Variants in CACNA1C observed in about 807,000 individuals in gnomAD.
CACNA1C encodes the protein voltage-dependent L-type calcium channel subunit alpha-1C.
Under a neutral mutation model 229.0 loss-of-function variants are expected in CACNA1C, and 30 were observed. The ratio of observed to expected loss-of-function variants is 0.13; its 90% CI spans 0.10 to 0.18. The LOEUF is 0.18. Among genes scored for constraint, CACNA1C ranks in the 10% least tolerant of loss-of-function variants. The probability of loss-of-function intolerance (pLI) is 1.00; values close to 1 mark genes in which losing one functional copy is unlikely to be tolerated. For missense variants in CACNA1C, 1,658 were observed against 2,845.0 expected (o/e 0.58, Z 9.49); for synonymous variants, 1,114 against 1,132.5 (o/e 0.98, Z 0.33).
chr12:2,164,977 G>A (rs998241625), intron 3 of CACNA1C, among the ~76,000 whole-genome samples: 1 of 152,192 alleles, frequency 6.6e-6, no homozygotes, highest in Non-Finnish European at 1.5e-5. Flanking sequence ...ACTATTGGTT[G>A]CATTTTAAGA....
chr12:2,558,101 A>C (rs967608834), intron 11 of CACNA1C, among the ~76,000 whole-genome samples: 1 of 152,226 alleles, frequency 6.6e-6, no homozygotes, highest in Non-Finnish European at 1.5e-5. Flanking sequence ...TATTTTAAAC[A>C]GTCCCTTAAG....
chr12:2,582,910 T>C lies in CACNA1C; in HGVS notation c.2192T>C (p.Ile731Thr). 1 of 1,595,892 alleles carries C rather than the reference T, an allele frequency of 6.3e-7. No homozygotes were observed. The highest frequency in any genetic ancestry group is 8.5e-7 in the Non-Finnish European group (1 of 1,170,272). Residue 731 changes from isoleucine to threonine, a missense_variant, in exon 15 of 47, where the codon ATT (isoleucine) becomes ACT (threonine). By Grantham distance (89) the Ile-to-Thr change is moderately conservative. Around this residue, in one of 20 missense-constraint regions of CACNA1C, gnomAD observed 30 missense variants for 73.2 expected, o/e 0.41. Transcript: ENST00000399655. Reference sequence around the variant, plus strand: ...TCTTTTCCAGGGATGTTAGTCTGTATTTACTTCATCATCCTCTTCATCTGT... The same window carrying C: ...TCTTTTCCAGGGATGTTAGTCTGTACTTACTTCATCATCCTCTTCATCTGT... ...GPSFPGMLVC[I>T]YFIILFICGN...
intron 9 of CACNA1C, among the ~76,000 whole-genome samples, chr12:2,540,143 T>C (rs952677497): frequency 1.3e-5 from 2 of 152,142 alleles, no homozygotes; most frequent in Non-Finnish European, 1.5e-5. Flanking sequence ...CTGCTAGTGC[T>C]GCCCATGGGC....
intron 3 of CACNA1C, among the ~76,000 whole-genome samples, chr12:2,312,156 C>T (rs779315278): frequency 4.6e-5 from 7 of 152,138 alleles, no homozygotes; most frequent in African/African-American, 1.4e-4. Flanking sequence ...CCTTCACACC[C>T]GCTCCGAGTT....
At chr12:2,201,221 TAAAG>T (rs569286887) in intron 3 of CACNA1C, among the ~76,000 whole-genome samples, 149 of 152,108 alleles carry the variant, frequency 9.8e-4, no homozygotes, top group Non-Finnish European at 1.7e-3. Context: ...TTCCAAAAAA[TAAAG>T]AAGGGCACAG....
intron 9 of CACNA1C, among the ~76,000 whole-genome samples, chr12:2,538,637 G>A (rs2099861520): frequency 6.6e-6 from 1 of 152,188 alleles, no homozygotes; most frequent in African/African-American, 2.4e-5. Context: ...CAAGGCCAAG[G>A]CGAGGACTGT....
chr12:2,330,439 C>G (rs1168804173), intron 3 of CACNA1C, among the ~76,000 whole-genome samples: 1 of 152,210 alleles, frequency 6.6e-6, no homozygotes, highest in African/African-American at 2.4e-5. Context: ...GTGCTAAGCA[C>G]TATTTTAAGC....
chr12:2,664,310 T>C (rs2095950179), intron 34 of CACNA1C, among the ~76,000 whole-genome samples: 1 of 152,258 alleles, frequency 6.6e-6, no homozygotes, highest in Non-Finnish European at 1.5e-5. Flanking sequence ...GGACAAATCC[T>C]TGGAGGTCAT....
In CACNA1C at chr12:2,507,151, G is replaced by A. The variant is rs961470590; in HGVS notation, c.1217+2206G>A. Among the ~76,000 whole-genome samples, 8 of 152,192 alleles carry A rather than the reference G, an allele frequency of 5.3e-5. No homozygotes were observed. The East Asian group carries it at 7.7e-4, about 15-fold the overall frequency. On this transcript the variant is annotated intron_variant, in intron 8 of 46. Transcript: ENST00000399655. Reference sequence around the variant, plus strand: ...AACTTAGGAGTCTTTGAGTCGATACGCTGGTCTTTCCTGGAGACCTTCGCC... The same window carrying A: ...AACTTAGGAGTCTTTGAGTCGATACACTGGTCTTTCCTGGAGACCTTCGCC...
At chr12:2,507,048 A>G (rs1232364092) in intron 8 of CACNA1C, among the ~76,000 whole-genome samples, 2 of 152,190 alleles carry the variant, frequency 1.3e-5, no homozygotes, top group Non-Finnish European at 2.9e-5. Context: ...TAGACCCCTC[A>G]CCCCAAACCT....
At chr12:2,179,333 T>A (rs2096762423) in intron 3 of CACNA1C, among the ~76,000 whole-genome samples, 1 of 152,170 alleles carries the variant, frequency 6.6e-6, no homozygotes, top group Non-Finnish European at 1.5e-5. Flanking sequence ...TAGGAAGTGT[T>A]CCCTGGACCT....
At chr12:2,440,425 G>T (rs1183641960) in intron 3 of CACNA1C, among the ~76,000 whole-genome samples, 2 of 152,170 alleles carry the variant, frequency 1.3e-5, no homozygotes, top group Non-Finnish European at 2.9e-5. Context: ...GTGTTTTCAC[G>T]GCTCGTCCAT....
chr12:2,237,713 A>G (rs1043862853), intron 3 of CACNA1C, among the ~76,000 whole-genome samples: 2 of 152,242 alleles, frequency 1.3e-5, no homozygotes, highest in Non-Finnish European at 2.9e-5. Flanking sequence ...AACTGGGCAG[A>G]TGGTGGCTTT....
chr12:2,531,384 T>C (rs2099840682), intron 9 of CACNA1C, among the ~76,000 whole-genome samples: 1 of 152,196 alleles, frequency 6.6e-6, no homozygotes, highest in African/African-American at 2.4e-5. Context: ...CCAGCTCTGA[T>C]ACTAACTGGC....
intron 5 of CACNA1C, among the ~76,000 whole-genome samples, chr12:2,481,909 A>G (rs907456804): frequency 1.3e-5 from 2 of 152,278 alleles, no homozygotes; most frequent in African/African-American, 4.8e-5. Flanking sequence ...CAACATGAGC[A>G]GCCAGCCCTG....
At chr12:2,253,078 G>A (rs1018370456) in intron 3 of CACNA1C, among the ~76,000 whole-genome samples, 8 of 152,214 alleles carry the variant, frequency 5.3e-5, no homozygotes, top group Admixed American at 4.6e-4. Flanking sequence ...CCCCAGGGGA[G>A]AAGTGACCTA....
chr12:2,408,033 CTT>C (rs2098758237), intron 3 of CACNA1C, among the ~76,000 whole-genome samples: 1 of 152,254 alleles, frequency 6.6e-6, no homozygotes, highest in African/African-American at 2.4e-5. Flanking sequence ...CACCCCAACT[CTT>C]TTGCCGGGGT....
chr12:2,031,400 G>A (rs10848606), intron 1 of CACNA1C, among the ~76,000 whole-genome samples: 23,337 of 152,242 alleles, frequency 0.15, 1,840 homozygotes, highest in South Asian at 0.15. Context: ...CACACAAGTG[G>A]CAGCACGGTG....
At chr12:2,099,347 C>G (rs1184445396) in intron 1 of CACNA1C, among the ~76,000 whole-genome samples, 1 of 152,148 alleles carries the variant, frequency 6.6e-6, no homozygotes, top group Non-Finnish European at 1.5e-5. Context: ...GGCCCTCTGT[C>G]CAGAGCTTAG....
Sources: gnomAD v4.1 joint callset for allele counts (sites outside exome capture counted in the v4.1 genomes callset) on GRCh38, gnomAD v4.1.1 for gene constraint, gnomAD v4.1.1 regional missense constraint, MANE v1.5 for transcripts, NCBI Gene and HGNC (gene_info 2026-07-23, HGNC 2026-07-21) for gene names.